RAB8B: variants seen among roughly 807,000 people sequenced by gnomAD.
RAB8B encodes the protein ras-related protein Rab-8B.
Under a neutral mutation model 32.0 loss-of-function variants are expected in RAB8B, and 11 were observed. The ratio of observed to expected loss-of-function variants is 0.34; its 90% confidence interval spans 0.22 to 0.57. The LOEUF (loss-of-function observed/expected upper bound fraction) is 0.57. RAB8B is among the 20% of genes least tolerant of loss of function. The probability of loss-of-function intolerance (pLI) is 0.86; values close to 1 mark genes in which losing one functional copy is unlikely to be tolerated. For missense variants in RAB8B, 190 were observed against 258.5 expected (o/e 0.73, Z 1.82); for synonymous variants, 103 against 89.6 (o/e 1.15, Z -0.85).
At chr15:63,229,519 C>T (rs1034901749) in intron 1 of RAB8B, among the ~76,000 whole-genome samples, 6 of 152,144 alleles carry the variant, frequency 3.9e-5, no homozygotes, top group Admixed American at 2.0e-4. Context: ...TGGTGGCTCA[C>T]GCCTGTAATC....
chr15:63,242,220 C>T (rs1454644552), intron 1 of RAB8B, among the ~76,000 whole-genome samples: 3 of 151,698 alleles, frequency 2.0e-5, no homozygotes, highest in Admixed American at 1.3e-4. Context: ...TCTAAAAAGG[C>T]TCCGTGGGGG....
At chr15:63,234,780 C>T (rs1461647227) in intron 1 of RAB8B, among the ~76,000 whole-genome samples, 1 of 152,160 alleles carries the variant, frequency 6.6e-6, no homozygotes, top group Non-Finnish European at 1.5e-5. Context: ...CCTCCTGGCC[C>T]AAACCTCCCA....
At chr15:63,218,964 T>C (rs1444560893) in intron 1 of RAB8B, among the ~76,000 whole-genome samples, 1 of 142,976 alleles carries the variant, frequency 7.0e-6, no homozygotes, top group African/African-American at 2.5e-5. Flanking sequence ...TCTCTCTCAC[T>C]AAAAAGTGAA....
At chr15:63,208,014 C>T (rs2037713615) in intron 1 of RAB8B, among the ~76,000 whole-genome samples, 2 of 152,218 alleles carry the variant, frequency 1.3e-5, no homozygotes, top group South Asian at 4.1e-4. Flanking sequence ...TGGGCAGCGT[C>T]CTTCCCGAAT....
At chr15:63,191,757 G>A (rs1411995330) in intron 1 of RAB8B, among the ~76,000 whole-genome samples, 2 of 152,204 alleles carry the variant, frequency 1.3e-5, no homozygotes, top group Non-Finnish European at 2.9e-5. Context: ...CGCTGATGCT[G>A]TTTTTGTTAA....
Position 63,263,609 on chromosome 15 carries a change from C to T in RAB8B, c.614C>T (p.Ser205Leu), listed in dbSNP as rs373850007. Residue 205 changes from serine (S) to leucine (L), a missense_variant, in exon 8 of 8, where the codon TCG (serine) becomes TTG (leucine). By Grantham distance (145) the Ser-to-Leu change is moderately radical. This residue lies in a region of RAB8B where 110 missense variants were observed against 115.9 expected (regional missense o/e 0.95). Transcript: ENST00000321437. ...RSKKTSFFRC[S>L]LL ...AAGAAGACCAGTTTCTTTCGTTGCT[C>T]GCTACTTTGATGAACTCTTTCTGAG... 12 of 1,607,246 alleles carry T rather than the reference C, an allele frequency of 7.5e-6. No homozygotes were observed. The highest frequency in any genetic ancestry group is 6.7e-5 in the East Asian group (3 of 44,834).
chr15:63,223,211 A>C (rs2037859348), intron 1 of RAB8B: 1 of 368,088 alleles, frequency 2.7e-6, no homozygotes, highest in Admixed American at 3.3e-5. Flanking sequence ...TCCCGGGTTC[A>C]AGCGATTCTC....
In RAB8B at chr15:63,264,042, A is replaced by G. The variant is rs2038223194; in HGVS notation, c.*423A>G. 1 of 156,794 alleles carries G rather than the reference A, an allele frequency of 6.4e-6. No individual in the cohort carries two copies. The highest frequency in any genetic ancestry group is 6.5e-5 in the Admixed American group (1 of 15,466). 9.7% of individuals were successfully genotyped at this position (156,794 alleles called of 1,614,324 possible). A position where few individuals can be genotyped will look rare whatever the true frequency, so the allele number is the denominator to read the frequency against. ...AAGAGCATTTACAGCAGAGGTTAAT[A>G]TACTAAAATTAAAGGGTATTTGGTC... is the stretch of plus-strand genomic sequence containing the variant. On this transcript the variant is annotated 3_prime_UTR_variant, in exon 8 of 8. Coordinates refer to ENST00000321437, the MANE Select transcript of RAB8B (RefSeq NM_016530.3).
intron 3 of RAB8B, 118 bp downstream of exon 3, chr15:63,249,823 G>C (rs1427136779): frequency 1.8e-6 from 2 of 1,108,582 alleles, no homozygotes; most frequent in Admixed American, 2.5e-5. Flanking sequence ...ATTTTCTGAT[G>C]GGGAAACAAG....
chr15:63,242,819 A>T (rs994800047), intron 1 of RAB8B, among the ~76,000 whole-genome samples: 1 of 152,046 alleles, frequency 6.6e-6, no homozygotes, highest in African/African-American at 2.4e-5. Flanking sequence ...GTCACCAGGG[A>T]CTGGTTTCAT....
rs1251131994 is a variant in RAB8B at position 63,265,289 on chromosome 15, T to C, written c.*1670T>C. The C allele has an allele frequency of 1.3e-5, 2 of 152,166 alleles. No homozygotes were observed. The highest frequency in any genetic ancestry group is 2.4e-5 in the African/African-American group (1 of 41,442). The allele number at this position is 152,166 out of a possible 1,614,324, so 9.4% of individuals were successfully genotyped here. ...AATCTTTTGTACTTATTTGAAAATA[T>C]AGGAACAATTTAGCAGCTGCAAATA... On this transcript the variant is annotated 3_prime_UTR_variant, in exon 8 of 8. Coordinates refer to ENST00000321437, the MANE Select transcript of RAB8B (RefSeq NM_016530.3). This position sits in a 1 kb window ranked among gnomAD's most constrained non-coding sequence, Gnocchi z 4.9.
At chr15:63,215,195 CCTT>C (rs1345475408) in intron 1 of RAB8B, among the ~76,000 whole-genome samples, 3 of 152,230 alleles carry the variant, frequency 2.0e-5, no homozygotes, top group Non-Finnish European at 4.4e-5. Flanking sequence ...TAGACTTTTG[CCTT>C]TCCTGCATCT....
intron 1 of RAB8B, among the ~76,000 whole-genome samples, chr15:63,243,057 G>A (rs2038045268): frequency 6.6e-6 from 1 of 152,248 alleles, no homozygotes; most frequent in Non-Finnish European, 1.5e-5. Context: ...AGAAGACAGT[G>A]ACAGATCATC....
rs748657500 is a variant in RAB8B, at chr15:63,189,696, C to G, written c.72C>G (p.Leu24=). The change falls in exon 1 of 8, where the codon CTC becomes CTG. Residue 24 remains leucine, a synonymous_variant. Coordinates refer to ENST00000321437, the MANE Select transcript of RAB8B (RefSeq NM_016530.3). ...IGDSGVGKTC[L]LFRFSEDAFN... Reference sequence around the variant, plus strand: ...ACTCGGGGGTAGGCAAGACCTGCCTCCTGTTCCGCTTCTCAGAGGACGCCT... The same window carrying G: ...ACTCGGGGGTAGGCAAGACCTGCCTGCTGTTCCGCTTCTCAGAGGACGCCT... 3.7e-6 allele frequency: 6 copies of G among 1,613,906 alleles called. No homozygotes were observed. The South Asian group carries it at 4.4e-5, about 12-fold the overall frequency.
intron 1 of RAB8B, among the ~76,000 whole-genome samples, chr15:63,233,657 C>T (rs1259040091): frequency 1.3e-5 from 2 of 152,170 alleles, no homozygotes; most frequent in African/African-American, 4.8e-5. Context: ...GTGAATGTAG[C>T]ATTTCTTTAA....
chr15:63,219,813 G>A (rs574780164), intron 1 of RAB8B, among the ~76,000 whole-genome samples: 3 of 152,128 alleles, frequency 2.0e-5, no homozygotes, highest in African/African-American at 7.2e-5. Flanking sequence ...TTGATGGAAG[G>A]CTTCCACTGC....
intron 1 of RAB8B, among the ~76,000 whole-genome samples, 153 bp downstream of exon 1, chr15:63,189,901 G>A (rs1262807599): frequency 6.6e-6 from 1 of 151,434 alleles, no homozygotes. Context: ...GGGCGTGAGG[G>A]AGAGGGGCGA....
chr15:63,202,089 T>TAAAAAAAAAAAAA (rs146981058), intron 1 of RAB8B, among the ~76,000 whole-genome samples: 1 of 85,774 alleles, frequency 1.2e-5, no homozygotes, highest in Admixed American at 1.2e-4. Context: ...CCGTCTCTAC[T>TAAAAAAAAAAAAA]AAAAAAAAAA....
In RAB8B at chr15:63,225,054, C is replaced by T. The variant is rs544893276; in HGVS notation, c.125-19702C>T. 1.1e-4 allele frequency among the ~76,000 whole-genome samples: 16 copies of T among 152,306 alleles called. No homozygotes were observed. The South Asian group carries it at 3.3e-3, about 32-fold the overall frequency. On this transcript the variant is annotated intron_variant, in intron 1 of 7. Transcript: ENST00000321437. ...GGGATGGATATTTCCTATAGTTCTA[C>T]CTGGCACATAGTAGGTACACAATAA...
Sources: allele counts gnomAD v4.1 joint callset (sites outside exome capture counted in the v4.1 genomes callset), GRCh38; gene constraint gnomAD v4.1.1; regional missense constraint gnomAD v4.1.1; non-coding constraint Gnocchi (gnomAD v3.1); transcripts MANE v1.5; gene names NCBI Gene and HGNC (gene_info 2026-07-23, HGNC 2026-07-21).